The following ZNF346 variants were observed in gnomAD, a reference collection of about 807,000 sequenced individuals.
ZNF346 encodes zinc finger protein 346.
In ZNF346, 23 loss-of-function variants were observed where a neutral mutation model predicts 33.7. That is an observed-to-expected ratio of 0.68 (90% CI 0.49 to 0.97). ZNF346 has a LOEUF of 0.97. ZNF346 is among the 50% of genes least tolerant of loss of function. The pLI, the probability that ZNF346 is intolerant of heterozygous loss-of-function variation, is 0.00. For missense variants in ZNF346, 340 were observed against 371.1 expected (o/e 0.92, Z 0.69); for synonymous variants, 134 against 142.4 (o/e 0.94, Z 0.42).
intron 8 of ZNF346, among the ~76,000 whole-genome samples, chr5:177,074,849 C>G (rs1783667424): frequency 6.7e-6 from 1 of 149,770 alleles, no homozygotes; most frequent in Non-Finnish European, 1.5e-5. Flanking sequence ...GGGCGGATCA[C>G]GAGGTCAGGA....
intron 1 of ZNF346, among the ~76,000 whole-genome samples, chr5:177,038,428 C>G (rs768285804): frequency 2.6e-5 from 4 of 151,018 alleles, no homozygotes; most frequent in African/African-American, 4.9e-5. Context: ...ATGGTCTTTA[C>G]TAACTCTCCT....
chr5:177,068,351 G>A (rs1783336549), downstream of ZNF346, among the ~76,000 whole-genome samples: 1 of 144,250 alleles, frequency 6.9e-6, no homozygotes, highest in Non-Finnish European at 1.5e-5. Flanking sequence ...AAAGGTAAAT[G>A]TATTGATTCA....
intron 1 of ZNF346, among the ~76,000 whole-genome samples, chr5:177,039,628 G>C (rs1390876041): frequency 2.0e-5 from 3 of 152,038 alleles, no homozygotes; most frequent in Non-Finnish European, 4.4e-5. Context: ...CCCCCGGCTA[G>C]TTTTTGGTTT....
At chr5:177,038,510 A>G (rs888929498) in intron 1 of ZNF346, among the ~76,000 whole-genome samples, 1 of 150,892 alleles carries the variant, frequency 6.6e-6, no homozygotes, top group Non-Finnish European at 1.5e-5. Flanking sequence ...TGTCTTGCTT[A>G]TTTTTTACTT....
intron 6 of ZNF346, among the ~76,000 whole-genome samples, chr5:177,062,652 A>G (rs1213339291): frequency 2.0e-5 from 3 of 152,212 alleles, no homozygotes; most frequent in Admixed American, 2.0e-4. Flanking sequence ...TAAACAACCA[A>G]TAATCACAGA....
intron 4 of ZNF346, among the ~76,000 whole-genome samples, chr5:177,049,992 A>G (rs769363728): frequency 1.2e-4 from 18 of 152,194 alleles, no homozygotes; most frequent in Non-Finnish European, 2.1e-4. Context: ...ACACGCCACC[A>G]TGCCCAGCTA....
intron 4 of ZNF346, among the ~76,000 whole-genome samples, chr5:177,050,376 C>T (rs1780687510): frequency 1.3e-5 from 2 of 152,284 alleles, no homozygotes; most frequent in South Asian, 4.1e-4. Flanking sequence ...TGAGGTATCC[C>T]TGCAAGAGTG....
chr5:177,031,104 C>T (rs1289496813), intron 1 of ZNF346, among the ~76,000 whole-genome samples: 2 of 151,952 alleles, frequency 1.3e-5, no homozygotes, highest in African/African-American at 2.4e-5. Context: ...GGCGCGATCT[C>T]GGCTCACTGC....
chr5:177,077,209 A>C lies in ZNF346; in HGVS notation c.*3-2173A>C, dbSNP rs536703671. On this transcript the variant is annotated intron_variant, in intron 8 of 8. Coordinates refer to the ZNF346 transcript ENST00000503039. This position sits in a 1 kb window ranked among gnomAD's most constrained non-coding sequence, Gnocchi z 5.0. ...TTCCTAAAAGCCATGGAAATTTATT[A>C]AAAGGTTTTAAACAAATAGCAGTGA... 1.3e-5 allele frequency among the ~76,000 whole-genome samples: 2 copies of C among 152,338 alleles called. No homozygotes were observed. Among genetic ancestry groups the C allele is most frequent in the Non-Finnish European group, 1.5e-5 (1 of 68,024 alleles).
At chr5:177,072,543 T>C (rs928943924), downstream of ZNF346, among the ~76,000 whole-genome samples, 1 of 152,128 alleles carries the variant, frequency 6.6e-6, no homozygotes, top group Non-Finnish European at 1.5e-5. Context: ...GACAGCCTGC[T>C]TCAGAACTAA....
In ZNF346 at chr5:177,041,154, T is replaced by TC; in HGVS notation, c.205dup (p.Leu69ProfsTer8). 1 of 1,614,076 alleles carries TC rather than the reference T, an allele frequency of 6.2e-7. No individual in the cohort carries two copies. The highest frequency in any genetic ancestry group is 8.5e-7 in the Non-Finnish European group (1 of 1,179,896). On this transcript the variant is annotated frameshift_variant, in exon 2 of 7. Transcript: ENST00000358149. LOFTEE classifies it high-confidence loss of function. ...AGCACATGATCCAGAAGAACCAATG[T>TC]CTCTTCACCAACACCCAGTGTAAGG... is the stretch of plus-strand genomic sequence containing the variant.
At chr5:177,038,735 C>G (rs1342289969) in intron 1 of ZNF346, among the ~76,000 whole-genome samples, 1 of 151,918 alleles carries the variant, frequency 6.6e-6, no homozygotes, top group African/African-American at 2.4e-5. Flanking sequence ...AACCTCATCT[C>G]TTGAACAAAA....
At chr5:177,047,426 C>T (rs1194174890) in intron 4 of ZNF346, among the ~76,000 whole-genome samples, 1 of 151,968 alleles carries the variant, frequency 6.6e-6, no homozygotes, top group Non-Finnish European at 1.5e-5. Flanking sequence ...CAACCTCTGC[C>T]CCACCAGGTT....
intron 1 of ZNF346, among the ~76,000 whole-genome samples, chr5:177,030,037 C>T (rs1443647416): frequency 6.6e-6 from 1 of 152,168 alleles, no homozygotes; most frequent in Non-Finnish European, 1.5e-5. Context: ...AGAAAACCCA[C>T]ACATATGGTC....
rs1783830156 is a variant in ZNF346 at position 177,077,902 on chromosome 5, T to C, written c.*3-1480T>C. Among the ~76,000 whole-genome samples, 1 of 152,062 alleles carries C rather than the reference T, an allele frequency of 6.6e-6. No homozygotes were observed. Among genetic ancestry groups the C allele is most frequent in the African/African-American group, 2.4e-5 (1 of 41,406 alleles). On this transcript the variant is annotated intron_variant, in intron 8 of 8. Coordinates refer to the ZNF346 transcript ENST00000503039. This position sits in a 1 kb window ranked among gnomAD's most constrained non-coding sequence, Gnocchi z 5.0. ...TGGCTCACGCCTGTAATCCCAGCAC[T>C]TTGGGAGGCCGAGGCAGGTGGATCA...
chr5:177,042,871 C>T (rs1238666538), intron 3 of ZNF346, among the ~76,000 whole-genome samples: 3 of 152,136 alleles, frequency 2.0e-5, no homozygotes, highest in East Asian at 1.9e-4. Flanking sequence ...GCTAGGACTA[C>T]AGGCACACAC....
At chr5:177,036,366 A>G (rs1176213607) in intron 1 of ZNF346, among the ~76,000 whole-genome samples, 1 of 152,168 alleles carries the variant, frequency 6.6e-6, no homozygotes, top group African/African-American at 2.4e-5. Context: ...TAATGTGTTT[A>G]TGTTGCTTAG....
At chr5:177,030,543 G>A (rs553832123) in intron 1 of ZNF346, among the ~76,000 whole-genome samples, 11 of 152,014 alleles carry the variant, frequency 7.2e-5, no homozygotes, top group Admixed American at 3.9e-4. Context: ...TCCTGACCTC[G>A]TGATCCGCCC....
chr5:177,027,913 G>T (rs1483172983), intron 1 of ZNF346, among the ~76,000 whole-genome samples: 1 of 151,676 alleles, frequency 6.6e-6, no homozygotes. Context: ...AAAGGGTTAG[G>T]ATTATAGGCA....
Sources: allele counts gnomAD v4.1 joint callset (sites outside exome capture counted in the v4.1 genomes callset), GRCh38; gene constraint gnomAD v4.1.1; non-coding constraint Gnocchi (gnomAD v3.1); transcripts MANE v1.5; gene names NCBI Gene and HGNC (gene_info 2026-07-23, HGNC 2026-07-21).